Variants in SHISA9 observed in about 807,000 individuals in gnomAD.
The protein encoded by SHISA9 is protein shisa-9.
A neutral mutation model predicts 38.0 loss-of-function variants in SHISA9; 13 were observed. That is an observed-to-expected ratio of 0.34 (90% confidence interval 0.22 to 0.54). The LOEUF is 0.54. Among genes scored for constraint, SHISA9 ranks in the 20% least tolerant of loss-of-function variants. The pLI, the probability that SHISA9 is intolerant of heterozygous loss-of-function variation, is 0.91. For synonymous variants in SHISA9, 275 were observed against 242.0 expected, an observed-to-expected ratio of 1.14 and a Z score of -1.27; for missense variants, 538 against 575.8, an observed-to-expected ratio of 0.93 and a Z score of 0.67.
chr16:12,938,216 C>A (rs1357562831), intron 2 of SHISA9, among the ~76,000 whole-genome samples: 1 of 152,210 alleles, frequency 6.6e-6, no homozygotes, highest in East Asian at 1.9e-4. Flanking sequence ...TGTATATTTT[C>A]CGATGGGTCA....
the SHISA9 span, among the ~76,000 whole-genome samples, chr16:13,301,955 G>A: frequency 1.2e-4 from 19 of 152,204 alleles, no homozygotes; most frequent in African/African-American, 4.6e-4. Context: ...GGTGGGGACT[G>A]AGATAATGGA....
chr16:13,171,563 G>A (rs1392530907), intron 2 of SHISA9, among the ~76,000 whole-genome samples: 1 of 152,138 alleles, frequency 6.6e-6, no homozygotes, highest in Non-Finnish European at 1.5e-5. Flanking sequence ...CTGATGAATG[G>A]GGGTGCTTCC....
At chr16:13,376,123 CAAT>C in the SHISA9 span, among the ~76,000 whole-genome samples, 2 of 152,202 alleles carry the variant, frequency 1.3e-5, no homozygotes, top group African/African-American at 2.4e-5. Context: ...AAATACCACA[CAAT>C]GACTCTGAAA....
At chr16:13,366,460 G>T in the SHISA9 span, among the ~76,000 whole-genome samples, 1 of 152,202 alleles carries the variant, frequency 6.6e-6, no homozygotes, top group Admixed American at 6.5e-5. Flanking sequence ...GGATTCAGTA[G>T]ATCTAGGGAT....
chr16:13,337,406 C>T, the SHISA9 span, among the ~76,000 whole-genome samples: 2 of 152,104 alleles, frequency 1.3e-5, no homozygotes, highest in Non-Finnish European at 2.9e-5. Context: ...CACCTTCTGC[C>T]ATGATTGTGA....
chr16:12,994,641 T>C (rs2072435239), intron 2 of SHISA9, among the ~76,000 whole-genome samples: 1 of 152,196 alleles, frequency 6.6e-6, no homozygotes, highest in Non-Finnish European at 1.5e-5. Context: ...CCAGCAGAAC[T>C]ATAGTTGACT....
chr16:13,402,108 C>G, the SHISA9 span, among the ~76,000 whole-genome samples: 6 of 150,508 alleles, frequency 4.0e-5, no homozygotes, highest in African/African-American at 1.5e-4. Context: ...CAGTGTTCTC[C>G]AGAGAAATGA....
At position 12,950,281 on chromosome 16, in the gene SHISA9, G is replaced by A. The variant is rs370391340; in HGVS notation, c.691+33466G>A. The stretch of plus-strand genomic sequence containing the variant: ...TATCCATTCTTTGGTGGACATTTAC[G>A]TTGATTCCATATCTTGGCTATTGTG... On this transcript the variant is annotated intron_variant, in intron 2 of 4. Coordinates refer to ENST00000558583, the MANE Select transcript of SHISA9 (RefSeq NM_001145204.3). Among the ~76,000 whole-genome samples, 55 of 152,220 alleles carry A rather than the reference G, an allele frequency of 3.6e-4. 1 individual carries two copies. The South Asian group carries it at 0.011, about 30-fold the overall frequency.
At chr16:13,278,270 T>G in the SHISA9 span, among the ~76,000 whole-genome samples, 1 of 152,292 alleles carries the variant, frequency 6.6e-6, no homozygotes, top group Middle Eastern at 3.4e-3. Flanking sequence ...TGAAATCCAC[T>G]TGATCATGGT....
chr16:13,113,026 A>T lies in SHISA9; in HGVS notation c.692-90368A>T, dbSNP rs139058550. Among the ~76,000 whole-genome samples the T allele has an allele frequency of 2.0e-4, 30 of 152,036 alleles. 1 individual carries two copies. Among genetic ancestry groups the T allele is most frequent in the African/African-American group, 7.2e-4 (30 of 41,480 alleles). ...GAGGTTTGAAACCAGCCTGTCCAAC[A>T]TGGTAAAACCCCATCTCTATTAAAA... On this transcript the variant is annotated intron_variant, in intron 2 of 4. Coordinates refer to ENST00000558583, the MANE Select transcript of SHISA9 (RefSeq NM_001145204.3).
chr16:13,156,933 AT>A, intron 2 of SHISA9, among the ~76,000 whole-genome samples: 1 of 152,186 alleles, frequency 6.6e-6, no homozygotes, highest in East Asian at 1.9e-4. Context: ...GAAGAAACAC[AT>A]TTACTGAGTG....
intron 2 of SHISA9, among the ~76,000 whole-genome samples, chr16:12,954,346 A>G (rs2071800842): frequency 6.6e-6 from 1 of 152,202 alleles, no homozygotes; most frequent in Non-Finnish European, 1.5e-5. Context: ...GGCATACAGA[A>G]CTCAGATTTT....
the SHISA9 span, among the ~76,000 whole-genome samples, chr16:13,297,596 C>T: frequency 6.6e-6 from 1 of 152,098 alleles, no homozygotes; most frequent in Non-Finnish European, 1.5e-5. Flanking sequence ...GAGTAGCAGA[C>T]ACAAAGTCCC....
chr16:13,123,593 C>G (rs2050232560), intron 2 of SHISA9, among the ~76,000 whole-genome samples: 1 of 152,188 alleles, frequency 6.6e-6, no homozygotes, highest in African/African-American at 2.4e-5. Flanking sequence ...AAACAAAGGT[C>G]TGAGATAGAT....
chr16:12,949,612 A>G (rs2071729366), intron 2 of SHISA9, among the ~76,000 whole-genome samples: 1 of 152,258 alleles, frequency 6.6e-6, no homozygotes, highest in African/African-American at 2.4e-5. Flanking sequence ...AGATGTCAAC[A>G]TCATTAATAA....
chr16:13,280,117 CTTTTTTTTTTT>C, the SHISA9 span, among the ~76,000 whole-genome samples: 20 of 102,850 alleles, frequency 1.9e-4, no homozygotes, highest in African/African-American at 3.9e-4. Context: ...CTCTCTTTCT[CTTTTTTTTTTT>C]TTTTTTTTTT....
At chr16:13,389,056 C>T in the SHISA9 span, among the ~76,000 whole-genome samples, 1 of 152,120 alleles carries the variant, frequency 6.6e-6, no homozygotes, top group Non-Finnish European at 1.5e-5. Flanking sequence ...ACGTCTGCTA[C>T]AATTGATGAA....
intron 2 of SHISA9, among the ~76,000 whole-genome samples, chr16:12,957,620 C>T (rs557397556): frequency 6.6e-6 from 1 of 152,246 alleles, no homozygotes; most frequent in African/African-American, 2.4e-5. Context: ...AATAGGATCA[C>T]ATTGAGGGGT....
intron 2 of SHISA9, among the ~76,000 whole-genome samples, chr16:13,014,379 G>GT (rs1646778986): frequency 1.3e-5 from 2 of 151,920 alleles, no homozygotes; most frequent in Admixed American, 6.6e-5. Context: ...TTCCCTTTTT[G>GT]TTTTTTCTGA....
Sources: gnomAD v4.1 joint callset for allele counts (sites outside exome capture counted in the v4.1 genomes callset) on GRCh38, gnomAD v4.1.1 for gene constraint, MANE v1.5 for transcripts, NCBI Gene and HGNC (gene_info 2026-07-23, HGNC 2026-07-21) for gene names.